Variants in DOCK3 observed in about 807,000 individuals in gnomAD.
DOCK3 encodes dedicator of cytokinesis protein 3.
In DOCK3, 60 loss-of-function variants were observed where a neutral mutation model predicts 265.6. That is an observed-to-expected ratio of 0.23 (90% confidence interval 0.18 to 0.28). The LOEUF is 0.28. DOCK3 is among the 10% of genes least tolerant of loss of function. The probability of loss-of-function intolerance (pLI) is 1.00; values close to 1 mark genes in which losing one functional copy is unlikely to be tolerated. For synonymous variants in DOCK3, 881 were observed against 938.0 expected, an observed-to-expected ratio of 0.94 and a Z score of 1.11; for missense variants, 1,981 against 2,594.3, an observed-to-expected ratio of 0.76 and a Z score of 5.14.
chr3:50,828,292 T>A (rs1174798445), intron 2 of DOCK3, among the ~76,000 whole-genome samples: 3 of 152,176 alleles, frequency 2.0e-5, no homozygotes. Context: ...CCAGATCGCA[T>A]GAACTTTACA....
At chr3:50,902,642 G>T (rs1397691543) in intron 4 of DOCK3, among the ~76,000 whole-genome samples, 1 of 152,022 alleles carries the variant, frequency 6.6e-6, no homozygotes, top group Non-Finnish European at 1.5e-5. Flanking sequence ...TTTTCCTTAG[G>T]ATTCTCTTGG....
Position 50,935,401 on chromosome 3 carries a change from G to T in DOCK3, c.315+1324G>T, listed in dbSNP as rs532957678. 2.0e-4 allele frequency among the ~76,000 whole-genome samples: 30 copies of T among 152,276 alleles called. 1 individual carries two copies. The highest frequency in any genetic ancestry group is 1.5e-5 in the Non-Finnish European group (1 of 68,018). On this transcript the variant is annotated intron_variant, in intron 5 of 52. Coordinates refer to ENST00000266037, the MANE Select transcript of DOCK3 (RefSeq NM_004947.5). ...CTGGAAAAATCTGGAAAAATGTAGG[G>T]GTGGGTGGCAGGGAGGAACCCAGAA...
intron 5 of DOCK3, among the ~76,000 whole-genome samples, chr3:50,955,820 C>A (rs1378741062): frequency 6.6e-6 from 1 of 152,160 alleles, no homozygotes; most frequent in East Asian, 1.9e-4. Context: ...TGCACGTGTA[C>A]CCCTGAATGG....
chr3:51,119,954 C>T (rs1049447541), intron 9 of DOCK3, among the ~76,000 whole-genome samples: 3 of 152,154 alleles, frequency 2.0e-5, no homozygotes, highest in Admixed American at 6.5e-5. Flanking sequence ...CCTTCTGAAG[C>T]CTACTTCTGT....
Position 50,721,267 on chromosome 3 carries a change from G to A in DOCK3, c.37+45967G>A, listed in dbSNP as rs144509287. On this transcript the variant is annotated intron_variant, in intron 1 of 52. Coordinates refer to ENST00000266037, the MANE Select transcript of DOCK3 (RefSeq NM_004947.5). ...TTTTTGTCATGAAATCTTTGCCAGAGCCTATGTCCAGAATGGCATTTCCTA... is the reference window on the plus strand; with the variant it reads ...TTTTTGTCATGAAATCTTTGCCAGAACCTATGTCCAGAATGGCATTTCCTA... Among the ~76,000 whole-genome samples, 46 of 152,214 alleles carry A rather than the reference G, an allele frequency of 3.0e-4. 1 individual carries two copies. In the East Asian group the frequency reaches 7.9e-3, roughly 26 times the overall value.
chr3:50,900,700 CTGTT>C (rs1198790534), intron 4 of DOCK3: 1 of 451,282 alleles, frequency 2.2e-6, no homozygotes, highest in African/African-American at 2.0e-5. Flanking sequence ...TTATTCCTTT[CTGTT>C]TGTTAGTTTT....
At chr3:51,256,755 G>A (rs993955243) in intron 22 of DOCK3, among the ~76,000 whole-genome samples, 3 of 151,554 alleles carry the variant, frequency 2.0e-5, no homozygotes, top group Non-Finnish European at 2.9e-5. Context: ...CACCACAGCT[G>A]GCTAATTTTT....
At chr3:51,074,197 T>A (rs1344664924) in intron 6 of DOCK3, among the ~76,000 whole-genome samples, 3 of 152,220 alleles carry the variant, frequency 2.0e-5, no homozygotes, top group Non-Finnish European at 4.4e-5. Context: ...TCCAAAATTC[T>A]GATGAGAGTT....
chr3:50,901,381 T>G (rs2049186341), intron 4 of DOCK3, among the ~76,000 whole-genome samples: 2 of 152,148 alleles, frequency 1.3e-5, no homozygotes, highest in Admixed American at 1.3e-4. Context: ...AGCAAGAATT[T>G]CAAGACAGTG....
At chr3:51,014,078 C>A (rs2079056813) in intron 5 of DOCK3, among the ~76,000 whole-genome samples, 1 of 152,160 alleles carries the variant, frequency 6.6e-6, no homozygotes, top group African/African-American at 2.4e-5. Context: ...GTCAAGGCTT[C>A]CCTTGGCTAG....
intron 5 of DOCK3, among the ~76,000 whole-genome samples, chr3:51,061,337 A>G (rs374367092): frequency 3.3e-5 from 5 of 152,342 alleles, no homozygotes; most frequent in South Asian, 2.1e-4. Context: ...GATAGACTGG[A>G]TTAAGAAAAT....
chr3:50,797,984 A>G (rs925670889), intron 2 of DOCK3, among the ~76,000 whole-genome samples: 3 of 152,214 alleles, frequency 2.0e-5, no homozygotes, highest in African/African-American at 7.2e-5. Flanking sequence ...AATACAAAAA[A>G]CTGTAACACA....
intron 5 of DOCK3, among the ~76,000 whole-genome samples, chr3:50,984,549 CTTTT>C (rs2077823307): frequency 6.6e-6 from 1 of 152,162 alleles, no homozygotes; most frequent in African/African-American, 2.4e-5. Flanking sequence ...ATGCCATCCT[CTTTT>C]ATCCTGGCTT....
At chr3:51,218,785 G>A (rs1394549595) in intron 14 of DOCK3, among the ~76,000 whole-genome samples, 1 of 152,118 alleles carries the variant, frequency 6.6e-6, no homozygotes, top group Non-Finnish European at 1.5e-5. Flanking sequence ...TCCTAAAGCA[G>A]TGGTTGCCGA....
At chr3:51,325,625 C>T (rs931455607) in intron 32 of DOCK3, among the ~76,000 whole-genome samples, 11 of 152,050 alleles carry the variant, frequency 7.2e-5, no homozygotes, top group Admixed American at 3.9e-4. Flanking sequence ...ATGTTTACTG[C>T]GACACTATTC....
intron 4 of DOCK3, among the ~76,000 whole-genome samples, chr3:50,912,146 T>C (rs1368283511): frequency 6.6e-6 from 1 of 152,140 alleles, no homozygotes; most frequent in Non-Finnish European, 1.5e-5. Context: ...CGTTCCACTT[T>C]AGATGCCCTT....
At chr3:50,699,989 A>C (rs1020105329) in intron 1 of DOCK3, among the ~76,000 whole-genome samples, 4 of 152,186 alleles carry the variant, frequency 2.6e-5, no homozygotes, top group Non-Finnish European at 5.9e-5. Flanking sequence ...AACATTTCAA[A>C]TATCCTTTTC....
chr3:51,294,488 C>G (rs2081963175), intron 27 of DOCK3, among the ~76,000 whole-genome samples: 1 of 152,028 alleles, frequency 6.6e-6, no homozygotes, highest in South Asian at 2.1e-4. Flanking sequence ...ACCATCCTGG[C>G]TAACATGGTG....
rs1397445384 is a variant in DOCK3 at position 51,016,048 on chromosome 3, TATATATCATATATTTCTACATA to T, written c.316-48393_316-48372del. ...ATATATCATATATTTCTACATATGA[TATATATCATATATTTCTACATA>T]ATATATATCATATATTTCTACATAT... On this transcript the variant is annotated intron_variant, in intron 5 of 52. Coordinates refer to ENST00000266037, the MANE Select transcript of DOCK3 (RefSeq NM_004947.5). Among the ~76,000 whole-genome samples, 18 of 15,774 alleles carry T rather than the reference TATATATCATATATTTCTACATA, an allele frequency of 1.1e-3. 2 individuals carry two copies. Among genetic ancestry groups the T allele is most frequent in the African/African-American group, 4.5e-3 (10 of 2,212 alleles). The allele number at this position is 15,774 out of a possible 152,430, so 10.3% of individuals were successfully genotyped here.
Sources: allele counts gnomAD v4.1 joint callset (sites outside exome capture counted in the v4.1 genomes callset), GRCh38; gene constraint gnomAD v4.1.1; transcripts MANE v1.5; gene names NCBI Gene and HGNC (gene_info 2026-07-23, HGNC 2026-07-21).